Variants in CNTNAP2 observed in about 807,000 individuals in gnomAD.
The protein encoded by CNTNAP2 is contactin-associated protein-like 2.
Under a neutral mutation model 155.2 loss-of-function variants are expected in CNTNAP2, and 98 were observed. The ratio of observed to expected loss-of-function variants is 0.63; its 90% CI spans 0.54 to 0.75. The LOEUF is 0.75. CNTNAP2 is among the 30% of genes least tolerant of loss of function. CNTNAP2 has a pLI of 0.00. For missense variants in CNTNAP2, 1,727 were observed against 1,688.1 expected, an observed-to-expected ratio of 1.02 and a Z score of -0.40; for synonymous variants, 651 against 631.2, an observed-to-expected ratio of 1.03 and a Z score of -0.47.
chr7:148,163,709 C>T (rs1805594456), intron 17 of CNTNAP2, among the ~76,000 whole-genome samples: 4 of 152,212 alleles, frequency 2.6e-5, no homozygotes, highest in Admixed American at 2.6e-4. Context: ...CCAGTTCTCT[C>T]AGTATGTGAA....
At chr7:146,662,625 C>T (rs1298934649) in intron 1 of CNTNAP2, among the ~76,000 whole-genome samples, 1 of 151,870 alleles carries the variant, frequency 6.6e-6, no homozygotes, top group Admixed American at 6.6e-5. Flanking sequence ...TTTTATTTAT[C>T]AGTGTTTTTC....
chr7:147,259,196 A>G (rs529087846), intron 8 of CNTNAP2, among the ~76,000 whole-genome samples: 3 of 152,202 alleles, frequency 2.0e-5, no homozygotes, highest in Non-Finnish European at 4.4e-5. Flanking sequence ...TTCTCTGGGT[A>G]TCAGTTGAAA....
rs561320371 is a variant in CNTNAP2 at position 148,214,812 on chromosome 7, G to A, written c.3011-2476G>A. ...TCTCAGTCTCCTGGCCTCGTGATCC[G>A]CCAGCCTCGACCTACCAAAGTGCTG... On this transcript the variant is annotated intron_variant, in intron 18 of 23. Transcript: ENST00000361727. Among the ~76,000 whole-genome samples, 125 of 152,188 alleles carry A rather than the reference G, an allele frequency of 8.2e-4. 2 individuals are homozygous for A. In the South Asian group the frequency reaches 0.022, roughly 27 times the overall value.
rs575074482 is a variant in CNTNAP2 at position 146,698,999 on chromosome 7, C to T, written c.98-75272C>T. Among the ~76,000 whole-genome samples the T allele has an allele frequency of 2.6e-5, 4 of 152,108 alleles. No homozygotes were observed. In the South Asian group the frequency reaches 8.3e-4, roughly 32 times the overall value. On this transcript the variant is annotated intron_variant, in intron 1 of 23. Transcript: ENST00000361727. ...CTTTCTTGGAGTTCTCATCTCTATG[C>T]CTGCATTACCTATGTATTCTTTCAT...
At chr7:147,928,315 G>A (rs1222346066) in intron 14 of CNTNAP2, among the ~76,000 whole-genome samples, 1 of 152,154 alleles carries the variant, frequency 6.6e-6, no homozygotes, top group African/African-American at 2.4e-5. Context: ...ATTTCTCAAA[G>A]TGAGGGATGG....
intron 13 of CNTNAP2, among the ~76,000 whole-genome samples, chr7:147,812,132 T>G (rs1472718894): frequency 6.6e-6 from 1 of 152,060 alleles, no homozygotes. Flanking sequence ...GTGCAGGGAT[T>G]CACCATGTGA....
At chr7:148,148,697 T>C (rs746831676) in intron 17 of CNTNAP2, among the ~76,000 whole-genome samples, 1 of 152,188 alleles carries the variant, frequency 6.6e-6, no homozygotes, top group Non-Finnish European at 1.5e-5. Context: ...TCTTTCATAG[T>C]TGTGTTGGGA....
chr7:147,978,674 G>C (rs768103344), intron 15 of CNTNAP2, among the ~76,000 whole-genome samples: 1 of 152,108 alleles, frequency 6.6e-6, no homozygotes. Context: ...CAGTCAGAGG[G>C]AAACAGTGAC....
intron 1 of CNTNAP2, among the ~76,000 whole-genome samples, chr7:146,328,778 A>T: frequency 6.6e-6 from 1 of 152,194 alleles, no homozygotes; most frequent in East Asian, 1.9e-4. Flanking sequence ...TCTACGTGAG[A>T]TCACGCAATA....
At chr7:146,823,422 CT>C (rs546465865) in intron 2 of CNTNAP2, among the ~76,000 whole-genome samples, 1,576 of 117,252 alleles carry the variant, frequency 0.013, 73 homozygotes, top group Non-Finnish European at 0.02. Context: ...TATACTCATT[CT>C]TCAGTATATT....
intron 8 of CNTNAP2, among the ~76,000 whole-genome samples, chr7:147,222,002 T>C (rs575391970): frequency 6.6e-6 from 1 of 152,298 alleles, no homozygotes; most frequent in South Asian, 2.1e-4. Context: ...CCACCCCCTC[T>C]CTGGCTTCTT....
intron 1 of CNTNAP2, among the ~76,000 whole-genome samples, chr7:146,565,984 T>G (rs966171238): frequency 3.3e-5 from 5 of 152,256 alleles, no homozygotes; most frequent in Non-Finnish European, 2.9e-5. Flanking sequence ...ATCCTCCAAA[T>G]TAGCTTCTCA....
intron 21 of CNTNAP2, among the ~76,000 whole-genome samples, chr7:148,272,107 T>A (rs140466080): frequency 6.6e-5 from 10 of 152,298 alleles, no homozygotes; most frequent in African/African-American, 2.4e-4. Context: ...ACAAGTGTGA[T>A]CTTTATAAAG....
chr7:146,684,569 T>C (rs1041721884), intron 1 of CNTNAP2, among the ~76,000 whole-genome samples: 6 of 126,916 alleles, frequency 4.7e-5, no homozygotes, highest in Non-Finnish European at 9.4e-5. Context: ...TTAATATTTA[T>C]ATGATGACAA....
In CNTNAP2 at chr7:146,131,437, G is replaced by T. The variant is rs563475269; in HGVS notation, c.97+14464G>T. ...ATCTCACATAGTTTTTATTAGAGAG[G>T]TATGCATTTATAAGCTGCCAACAAG... On this transcript the variant is annotated intron_variant, in intron 1 of 23. Transcript: ENST00000361727. Among the ~76,000 whole-genome samples, 11 of 152,218 alleles carry T rather than the reference G, an allele frequency of 7.2e-5. No homozygotes were observed. In the East Asian group the frequency reaches 1.9e-3, roughly 27 times the overall value.
At chr7:147,358,472 T>C (rs1023924072) in intron 9 of CNTNAP2, among the ~76,000 whole-genome samples, 1 of 152,168 alleles carries the variant, frequency 6.6e-6, no homozygotes, top group Non-Finnish European at 1.5e-5. Flanking sequence ...TATATGCTCA[T>C]TGAGTAAACA....
chr7:147,370,951 A>G (rs1224777325), intron 9 of CNTNAP2, among the ~76,000 whole-genome samples: 2 of 152,292 alleles, frequency 1.3e-5, no homozygotes, highest in East Asian at 1.9e-4. Context: ...AACATTGCTT[A>G]TAAAATACTA....
At chr7:147,924,863 A>C (rs985305940) in intron 14 of CNTNAP2, among the ~76,000 whole-genome samples, 4 of 152,036 alleles carry the variant, frequency 2.6e-5, no homozygotes, top group African/African-American at 9.7e-5. Flanking sequence ...CACACCTGTA[A>C]TCCCAGCACT....
In CNTNAP2 at chr7:146,255,760, A is replaced by G. The variant is rs557213754; in HGVS notation, c.97+138787A>G. Reference sequence around the variant, plus strand: ...ATGTGACTTAACTTGGGCACAGACTATGAGATAGTTGGCATTTGTAGCTGG... The same window carrying G: ...ATGTGACTTAACTTGGGCACAGACTGTGAGATAGTTGGCATTTGTAGCTGG... On this transcript the variant is annotated intron_variant, in intron 1 of 23. Transcript: ENST00000361727. Among the ~76,000 whole-genome samples the G allele has an allele frequency of 3.9e-5, 6 of 152,318 alleles. 1 individual carries two copies. In the South Asian group the frequency reaches 1.2e-3, roughly 32 times the overall value.
Sources: gnomAD v4.1 joint callset for allele counts (sites outside exome capture counted in the v4.1 genomes callset) on GRCh38, gnomAD v4.1.1 for gene constraint, MANE v1.5 for transcripts, NCBI Gene and HGNC (gene_info 2026-07-23, HGNC 2026-07-21) for gene names.